Variants in SYT1 observed in about 807,000 individuals in gnomAD.
SYT1 encodes synaptotagmin-1.
Under a neutral mutation model 44.8 loss-of-function variants are expected in SYT1, and 8 were observed. That is an observed-to-expected ratio of 0.18 (90% confidence interval 0.10 to 0.32). The LOEUF (loss-of-function observed/expected upper bound fraction) is 0.32. SYT1 is among the 10% of genes least tolerant of loss of function. The pLI is 1.00. For missense variants in SYT1, 286 were observed against 509.3 expected, an observed-to-expected ratio of 0.56 and a Z score of 4.22; for synonymous variants, 154 against 188.8, an observed-to-expected ratio of 0.82 and a Z score of 1.51.
intron 1 of SYT1, among the ~76,000 whole-genome samples, chr12:78,917,346 G>C (rs1336980507): frequency 6.6e-6 from 1 of 151,858 alleles, no homozygotes; most frequent in Non-Finnish European, 1.5e-5. Flanking sequence ...ATCCCAATTA[G>C]TTTCCATACC....
chr12:78,903,203 AAG>A (rs777431055), intron 1 of SYT1, among the ~76,000 whole-genome samples: 5 of 151,880 alleles, frequency 3.3e-5, no homozygotes, highest in Admixed American at 1.3e-4. Context: ...TTATCTTAAA[AAG>A]AGTTTTGTGT....
chr12:79,177,997 G>T (rs1296198420), intron 3 of SYT1, among the ~76,000 whole-genome samples: 3 of 150,672 alleles, frequency 2.0e-5, no homozygotes, highest in Admixed American at 6.6e-5. Context: ...GTTGTAGGTT[G>T]CCTGTTCACT....
intron 1 of SYT1, among the ~76,000 whole-genome samples, chr12:78,963,465 A>G (rs1879619054): frequency 6.6e-6 from 1 of 151,746 alleles, no homozygotes; most frequent in Non-Finnish European, 1.5e-5. Flanking sequence ...AATCAATAGC[A>G]AAAAAAACAC....
intron 1 of SYT1, among the ~76,000 whole-genome samples, chr12:78,970,739 T>C (rs1278063637): frequency 6.6e-6 from 1 of 152,216 alleles, no homozygotes; most frequent in Non-Finnish European, 1.5e-5. Context: ...AAGACATCAC[T>C]GAGTAACTTA....
chr12:79,093,484 A>G (rs533677584), intron 3 of SYT1, among the ~76,000 whole-genome samples: 250 of 151,836 alleles, frequency 1.6e-3, no homozygotes, highest in South Asian at 3.1e-3. Flanking sequence ...AAATCTATCA[A>G]TACTCTTGTT....
intron 4 of SYT1, among the ~76,000 whole-genome samples, chr12:79,229,551 A>G (rs185053509): frequency 2.8e-4 from 42 of 152,048 alleles, no homozygotes; most frequent in African/African-American, 9.9e-4. Context: ...AAACAATCCT[A>G]TGGCAGAAAG....
rs376503403 is a variant in SYT1 at position 79,444,237 on chromosome 12, T to C, written c.1062+31T>C. ...GTCAAACATAACTTTGTCTTCCCACTCAATTTCATTCCTTCAGACCACATA... is the reference window on the plus strand; with the variant it reads ...GTCAAACATAACTTTGTCTTCCCACCCAATTTCATTCCTTCAGACCACATA... On this transcript the variant is annotated intron_variant, in intron 10 of 10. Coordinates refer to ENST00000261205, the MANE Select transcript of SYT1 (RefSeq NM_005639.3). The C allele has an allele frequency of 2.5e-6, 4 of 1,610,486 alleles. No homozygotes were observed. In the Admixed American group the frequency reaches 6.7e-5, roughly 27 times the overall value.
At chr12:79,159,345 G>A (rs1870803469) in intron 3 of SYT1, among the ~76,000 whole-genome samples, 1 of 152,200 alleles carries the variant, frequency 6.6e-6, no homozygotes, top group African/African-American at 2.4e-5. Flanking sequence ...AGTGAAGACA[G>A]AAAGAGGAAA....
chr12:79,014,122 C>CAAAAAAAAAA (rs1358787041), intron 2 of SYT1, among the ~76,000 whole-genome samples: 62 of 39,048 alleles, frequency 1.6e-3, no homozygotes, highest in Non-Finnish European at 2.3e-3. Flanking sequence ...AGACTCTCTC[C>CAAAAAAAAAA]AAAAAAAAAA....
At chr12:79,193,457 A>G (rs1592840865) in intron 3 of SYT1, among the ~76,000 whole-genome samples, 1 of 152,208 alleles carries the variant, frequency 6.6e-6, no homozygotes, top group Admixed American at 6.5e-5. Flanking sequence ...AGCTCCTATC[A>G]ATATGGTGAG....
chr12:79,191,168 A>G (rs1311726767), intron 3 of SYT1, among the ~76,000 whole-genome samples: 1 of 151,914 alleles, frequency 6.6e-6, no homozygotes, highest in East Asian at 1.9e-4. Context: ...ATTTTTGCAG[A>G]TGTTATTATT....
At chr12:79,068,265 CA>C (rs1876014443) in intron 3 of SYT1, among the ~76,000 whole-genome samples, 1 of 151,994 alleles carries the variant, frequency 6.6e-6, no homozygotes, top group Non-Finnish European at 1.5e-5. Context: ...TTGGAGATTC[CA>C]ATTAGTAAAT....
intron 3 of SYT1, among the ~76,000 whole-genome samples, chr12:79,068,771 T>C (rs1289112981): frequency 1.3e-5 from 2 of 152,100 alleles, no homozygotes; most frequent in Non-Finnish European, 2.9e-5. Flanking sequence ...CCCAGCACTT[T>C]GGGAGGCCGA....
At chr12:78,876,461 GT>G (rs1330984404) in intron 1 of SYT1, among the ~76,000 whole-genome samples, 11 of 30,204 alleles carry the variant, frequency 3.6e-4, no homozygotes, top group Admixed American at 1.8e-3. Flanking sequence ...GAAAATGGAG[GT>G]GTTTTTTTTT....
At chr12:79,236,315 C>A (rs1429138688) in intron 4 of SYT1, among the ~76,000 whole-genome samples, 1 of 152,190 alleles carries the variant, frequency 6.6e-6, no homozygotes, top group Non-Finnish European at 1.5e-5. Context: ...TTAACCCCAA[C>A]CTACCTTTCC....
chr12:79,185,626 C>T (rs1470387539), intron 3 of SYT1, among the ~76,000 whole-genome samples: 2 of 151,918 alleles, frequency 1.3e-5, no homozygotes, highest in Non-Finnish European at 2.9e-5. Flanking sequence ...AGAAATCAGT[C>T]CATTACAGCA....
At chr12:79,319,990 G>A (rs1181888676) in intron 8 of SYT1, among the ~76,000 whole-genome samples, 1 of 152,080 alleles carries the variant, frequency 6.6e-6, no homozygotes, top group Non-Finnish European at 1.5e-5. Flanking sequence ...TTTAATTAGG[G>A]GTACTTGAAT....
At chr12:78,876,866 A>T (rs796568813) in intron 1 of SYT1, among the ~76,000 whole-genome samples, 29 of 12,876 alleles carry the variant, frequency 2.3e-3, no homozygotes, top group African/African-American at 3.0e-3. Context: ...TAATATATAT[A>T]ATATATTATA....
rs187440632 is a variant in SYT1 at position 78,943,192 on chromosome 12, C to T, written c.-216-34607C>T. Among the ~76,000 whole-genome samples the T allele has an allele frequency of 2.2e-3, 334 of 152,236 alleles. 4 individuals are homozygous for T. The highest frequency in any genetic ancestry group is 3.4e-3 in the Middle Eastern group (1 of 294). ...TTTATCCCATCTGTGGTTGGAATTT[C>T]TCATGGAGTCTCATTGTGTTAGGCT... On this transcript the variant is annotated intron_variant, in intron 1 of 10. Transcript: ENST00000261205.
Sources: allele counts gnomAD v4.1 joint callset (sites outside exome capture counted in the v4.1 genomes callset), GRCh38; gene constraint gnomAD v4.1.1; transcripts MANE v1.5; gene names NCBI Gene and HGNC (gene_info 2026-07-23, HGNC 2026-07-21).